The following MOK variants were observed in gnomAD, a reference collection of about 807,000 sequenced individuals.
MOK encodes MAPK/MAK/MRK overlapping kinase.
MOK carries 59 observed loss-of-function variants against 54.2 expected under a neutral mutation model. That is an observed-to-expected ratio of 1.09 (90% CI 0.88 to 1.35). The LOEUF (loss-of-function observed/expected upper bound fraction) is 1.35, where lower values mean the gene tolerates loss of function less well. Ranked by LOEUF, MOK falls within the 40% of genes most tolerant of loss-of-function variation. MOK has a pLI of 0.00. For missense variants in MOK, 517 were observed against 526.2 expected (o/e 0.98, Z 0.17); for synonymous variants, 210 against 202.7 (o/e 1.04, Z -0.31).
chr14:102,263,075 TC>T (rs2067603645), intron 4 of MOK, among the ~76,000 whole-genome samples: 1 of 152,194 alleles, frequency 6.6e-6, no homozygotes, highest in Admixed American at 6.5e-5. Context: ...GCTTTATTGT[TC>T]AGAAAAAAGG....
chr14:102,229,387 A>G, intron 11 of MOK, 21 bp from the exon 12 acceptor site: 1 of 1,614,180 alleles, frequency 6.2e-7, no homozygotes, highest in Non-Finnish European at 8.5e-7. Flanking sequence ...AAAATTACAG[A>G]CACAAAATTC....
At chr14:102,256,104 AT>A (rs55845343) in intron 4 of MOK, among the ~76,000 whole-genome samples, 8,324 of 146,432 alleles carry the variant, frequency 0.057, 296 homozygotes, top group African/African-American at 0.1. Context: ...AGTTATTATT[AT>A]TTTTTTTTTT....
chr14:102,279,288 G>A (rs1211059243), intron 2 of MOK, among the ~76,000 whole-genome samples: 1 of 151,068 alleles, frequency 6.6e-6, no homozygotes, highest in Non-Finnish European at 1.5e-5. Context: ...GAGAACCGTT[G>A]TTGTTGTTGT....
chr14:102,221,325 T>C (rs542640829), downstream of MOK, among the ~76,000 whole-genome samples: 8 of 152,338 alleles, frequency 5.3e-5, no homozygotes, highest in South Asian at 1.4e-3. This position sits in a 1 kb window ranked among gnomAD's most constrained non-coding sequence, Gnocchi z 4.8. Context: ...TGGAGATTTG[T>C]CACTTCCTGG....
the MOK span, chr14:102,215,028 T>C: frequency 1.0e-6 from 1 of 971,792 alleles, no homozygotes; most frequent in African/African-American, 1.8e-5. Context: ...TCAGTAGTCA[T>C]TTTCACATCT....
intron 4 of MOK, among the ~76,000 whole-genome samples, chr14:102,261,442 T>A (rs1228413135): frequency 3.9e-5 from 4 of 103,290 alleles, no homozygotes; most frequent in East Asian, 2.9e-4. Context: ...TATATATATA[T>A]ATATATATAT....
chr14:102,304,939 C>G (rs768264742), intron 1 of MOK, 23 bp downstream of exon 1: 2 of 1,601,982 alleles, frequency 1.2e-6, no homozygotes, highest in Non-Finnish European at 1.7e-6. Flanking sequence ...CCAGTCCCTG[C>G]CCCTTTCCCC....
At position 102,235,805 on chromosome 14, in the gene MOK, A is replaced by C. The variant is rs2065171074; in HGVS notation, c.591-2016T>G. 6.6e-6 allele frequency among the ~76,000 whole-genome samples: 1 copy of C among 152,156 alleles called. No individual in the cohort carries two copies. Among genetic ancestry groups the C allele is most frequent in the Non-Finnish European group, 1.5e-5 (1 of 68,028 alleles). On this transcript the variant is annotated intron_variant, in intron 7 of 11. Coordinates refer to ENST00000361847, the MANE Select transcript of MOK (RefSeq NM_014226.3). This position sits in a 1 kb window ranked among gnomAD's most constrained non-coding sequence, Gnocchi z 4.4. ...ATCTGGCGCAAACTTAAAAAGGCTG[A>C]AGATGCCCCTCAGACCCCACAACGA...
chr14:102,297,759 C>T (rs2071604214), intron 1 of MOK, among the ~76,000 whole-genome samples: 1 of 152,168 alleles, frequency 6.6e-6, no homozygotes, highest in Non-Finnish European at 1.5e-5. Flanking sequence ...GGTGTGGGCT[C>T]AGCGGGCCCC....
In MOK at chr14:102,229,301, T is replaced by C. The variant is rs747363005; in HGVS notation, c.1248A>G (p.Lys416=). ...CGGTGCTGCTCAGTTATCTTCCGCC[T>C]TTCCGCACTATGGTGGGCAGGCGAC... is the stretch of plus-strand genomic sequence containing the variant. The part of the protein sequence containing the change: ...QQCRLPTIVR[K]GGR Residue 416 remains lysine, a synonymous_variant, in exon 12 of 12, where the codon AAA becomes AAG. Transcript: ENST00000361847. 13 of 1,606,850 alleles carry C rather than the reference T, an allele frequency of 8.1e-6. No individual in the cohort carries two copies. In the East Asian group the frequency reaches 2.7e-4, roughly 33 times the overall value.
At chr14:102,294,407 C>T (rs1384155039) in intron 1 of MOK, among the ~76,000 whole-genome samples, 1 of 148,848 alleles carries the variant, frequency 6.7e-6, no homozygotes, top group Non-Finnish European at 1.5e-5. Context: ...GATAGCGCCA[C>T]TGCACTCCAG....
Position 102,232,546 on chromosome 14 carries a change from G to A in MOK, c.855C>T (p.Phe285=). 6.2e-7 allele frequency: 1 copy of A among 1,613,608 alleles called. No individual in the cohort carries two copies. Among genetic ancestry groups the A allele is most frequent in the Admixed American group, 1.7e-5 (1 of 59,994 alleles). ...AAHQALQHPY[F]QEQRKTEKRA... ...ACGAGAGTGCCTACCTCTGTTCTTG[G>A]AAGTAGGGGTGCTGCAGGGCCTGGT... Residue 285 remains phenylalanine (F), a synonymous_variant, in exon 9 of 12, where the codon TTC becomes TTT. Transcript: ENST00000361847. The surrounding 1 kb of genome is among the most constrained non-coding windows in gnomAD (Gnocchi z 5.1).
chr14:102,265,053 C>T (rs910066050), intron 3 of MOK, among the ~76,000 whole-genome samples: 9 of 152,134 alleles, frequency 5.9e-5, no homozygotes, highest in African/African-American at 2.2e-4. Flanking sequence ...GATAGATAAG[C>T]CTTATGGAAA....
intron 4 of MOK, among the ~76,000 whole-genome samples, chr14:102,253,147 G>A (rs2066662882): frequency 6.6e-6 from 1 of 152,200 alleles, no homozygotes; most frequent in Admixed American, 6.5e-5. Flanking sequence ...AAACGTTACT[G>A]AAGAATGACA....
intron 10 of MOK, 98 bp from the exon 11 acceptor site, chr14:102,229,755 T>C: frequency 1.8e-6 from 2 of 1,104,904 alleles, no homozygotes; most frequent in Non-Finnish European, 2.6e-6. Context: ...TTTTGCCTAA[T>C]ACAATTTCTT....
chr14:102,299,195 T>C (rs1278686400), intron 1 of MOK, among the ~76,000 whole-genome samples: 1 of 152,102 alleles, frequency 6.6e-6, no homozygotes, highest in Admixed American at 6.6e-5. Context: ...TTAAACCTCA[T>C]TGTAATTACA....
intron 7 of MOK, among the ~76,000 whole-genome samples, chr14:102,244,142 G>C (rs1204984045): frequency 3.3e-5 from 5 of 152,170 alleles, no homozygotes; most frequent in Admixed American, 2.0e-4. Context: ...AAGGAAGCTG[G>C]AGTCATTCAC....
chr14:102,229,694 C>G (rs777004831), intron 10 of MOK, 37 bp from the exon 11 acceptor site: 14 of 1,530,032 alleles, frequency 9.2e-6, no homozygotes, highest in Non-Finnish European at 1.2e-5. Flanking sequence ...ACATAAAACG[C>G]TTTCTGCTTT....
chr14:102,285,355 G>A (rs949894787), intron 1 of MOK, among the ~76,000 whole-genome samples: 1 of 152,174 alleles, frequency 6.6e-6, no homozygotes, highest in Non-Finnish European at 1.5e-5. Flanking sequence ...TGGCTAGCAT[G>A]AGCCACTGCA....
Sources: gnomAD v4.1 joint callset for allele counts (sites outside exome capture counted in the v4.1 genomes callset) on GRCh38, gnomAD v4.1.1 for gene constraint, Gnocchi (gnomAD v3.1) non-coding constraint, MANE v1.5 for transcripts, NCBI Gene and HGNC (gene_info 2026-07-23, HGNC 2026-07-21) for gene names.